DAB1: variants seen among roughly 807,000 people sequenced by gnomAD.
The protein encoded by DAB1 is DAB adaptor protein 1.
In DAB1, 15 loss-of-function variants were observed where a neutral mutation model predicts 64.6. The observed-to-expected ratio is 0.23, with a 90% CI of 0.16 to 0.36. The LOEUF is 0.36. Ranked by LOEUF, DAB1 falls within the 10% of genes least tolerant of loss-of-function variation. The probability of loss-of-function intolerance (pLI) is 1.00; values close to 1 mark genes in which losing one functional copy is unlikely to be tolerated. For missense variants in DAB1, 596 were observed against 706.7 expected (o/e 0.84, Z 1.78); for synonymous variants, 235 against 251.9 (o/e 0.93, Z 0.64).
chr1:57,174,150 C>A (rs1021317324), intron 2 of DAB1, among the ~76,000 whole-genome samples: 40 of 152,182 alleles, frequency 2.6e-4, no homozygotes, highest in Non-Finnish European at 1.0e-4. Context: ...TGATTTAGAA[C>A]TTCTTGCCCC....
chr1:58,300,644 GAGAGGA>G (rs1263707055), intron 4 of DAB1, among the ~76,000 whole-genome samples: 36 of 59,394 alleles, frequency 6.1e-4, no homozygotes, highest in African/African-American at 2.0e-3. Context: ...GAGAGAGAGA[GAGAGGA>G]AGGAAGGAAG....
intron 1 of DAB1, among the ~76,000 whole-genome samples, chr1:57,415,712 G>A (rs527916619): frequency 1.3e-4 from 20 of 152,208 alleles, no homozygotes; most frequent in Admixed American, 1.1e-3. Flanking sequence ...TAGAACTTTC[G>A]TGAGTAGACA....
chr1:57,813,178 G>T (rs1651707333), intron 6 of DAB1, among the ~76,000 whole-genome samples: 1 of 152,200 alleles, frequency 6.6e-6, no homozygotes, highest in Admixed American at 6.5e-5. Flanking sequence ...GAGAGAGTGT[G>T]AAGAGAAAAG....
At chr1:57,984,681 T>C (rs1266274679) in intron 5 of DAB1, among the ~76,000 whole-genome samples, 1 of 152,194 alleles carries the variant, frequency 6.6e-6, no homozygotes, top group African/African-American at 2.4e-5. Context: ...GCTCAACAGA[T>C]TCTGTGAAAG....
At chr1:58,224,280 C>A (rs1479314790) in intron 4 of DAB1, among the ~76,000 whole-genome samples, 1 of 152,140 alleles carries the variant, frequency 6.6e-6, no homozygotes, top group African/African-American at 2.4e-5. Flanking sequence ...GTGTCTAGCA[C>A]AAGAGCTTAA....
intron 3 of DAB1, among the ~76,000 whole-genome samples, chr1:58,497,777 T>TTG (rs1645829133): frequency 6.6e-6 from 1 of 152,198 alleles, no homozygotes; most frequent in African/African-American, 2.4e-5. Flanking sequence ...AACCTTACCC[T>TTG]TGCTCACTGC....
chr1:57,780,648 G>C (rs1650021819), intron 6 of DAB1, among the ~76,000 whole-genome samples: 1 of 151,764 alleles, frequency 6.6e-6, no homozygotes, highest in Admixed American at 6.6e-5. Context: ...AGTAGGAAAA[G>C]GAAAAAATTA....
At chr1:58,291,508 T>C (rs1661835964) in intron 4 of DAB1, among the ~76,000 whole-genome samples, 1 of 152,212 alleles carries the variant, frequency 6.6e-6, no homozygotes, top group Non-Finnish European at 1.5e-5. Flanking sequence ...TAGGGGTTGA[T>C]TCACTATAAA....
intron 7 of DAB1, among the ~76,000 whole-genome samples, chr1:57,631,019 G>C (rs1004535022): frequency 6.6e-6 from 1 of 152,080 alleles, no homozygotes; most frequent in Non-Finnish European, 1.5e-5. Flanking sequence ...ATATGAATGT[G>C]ACAATATGGA....
chr1:57,523,272 G>T (rs1644551810), intron 7 of DAB1, among the ~76,000 whole-genome samples: 1 of 152,132 alleles, frequency 6.6e-6, no homozygotes, highest in South Asian at 2.1e-4. Flanking sequence ...AAATAGATTG[G>T]TTCCAGAGAA....
At chr1:57,354,179 C>T (rs771712108) in intron 1 of DAB1, among the ~76,000 whole-genome samples, 14 of 151,988 alleles carry the variant, frequency 9.2e-5, no homozygotes, top group Non-Finnish European at 1.6e-4. Context: ...AACTATTTTG[C>T]TCACTGAAAC....
intron 5 of DAB1, among the ~76,000 whole-genome samples, chr1:57,997,267 TA>T (rs770278005): frequency 6.6e-6 from 1 of 152,188 alleles, no homozygotes; most frequent in African/African-American, 2.4e-5. Context: ...ATGTACAATT[TA>T]AGTAAAACAC....
intron 5 of DAB1, among the ~76,000 whole-genome samples, chr1:57,918,732 G>A (rs1305553371): frequency 6.6e-6 from 1 of 152,084 alleles, no homozygotes; most frequent in Non-Finnish European, 1.5e-5. Context: ...ACTGAGGCAG[G>A]AGAATGGTGT....
chr1:58,343,514 G>A (rs984962038), intron 3 of DAB1: 3 of 152,204 alleles, frequency 2.0e-5, no homozygotes, highest in African/African-American at 4.8e-5. Context: ...TGCTGCAAGG[G>A]ACACTATAGA....
chr1:57,531,079 C>G (rs577652652), intron 7 of DAB1, among the ~76,000 whole-genome samples: 66 of 152,276 alleles, frequency 4.3e-4, no homozygotes, highest in African/African-American at 1.6e-3. Flanking sequence ...CAAGCTAAGC[C>G]ATCACATCCC....
intron 1 of DAB1, among the ~76,000 whole-genome samples, chr1:57,836,770 C>T (rs1652827711): frequency 6.6e-6 from 1 of 152,142 alleles, no homozygotes; most frequent in Non-Finnish European, 1.5e-5. Context: ...TATTTCAGAG[C>T]CTTCCACACC....
intron 7 of DAB1, among the ~76,000 whole-genome samples, chr1:57,584,025 C>T (rs1437666143): frequency 1.3e-5 from 2 of 152,186 alleles, no homozygotes; most frequent in African/African-American, 4.8e-5. Context: ...GAACTGCAAC[C>T]TAGCTTAATA....
At chr1:57,990,562 G>A (rs1646318691) in intron 5 of DAB1, among the ~76,000 whole-genome samples, 1 of 152,236 alleles carries the variant, frequency 6.6e-6, no homozygotes, top group African/African-American at 2.4e-5. Context: ...AAGAGCAGAG[G>A]GAGGGGCCTG....
At chr1:57,810,097 G>A (rs925185101) in intron 6 of DAB1, among the ~76,000 whole-genome samples, 2 of 152,098 alleles carry the variant, frequency 1.3e-5, no homozygotes, top group African/African-American at 4.8e-5. Context: ...GAGTCTCCCT[G>A]TTAAAACCTT....
Sources: gnomAD v4.1 joint callset for allele counts (sites outside exome capture counted in the v4.1 genomes callset) on GRCh38, gnomAD v4.1.1 for gene constraint, MANE v1.5 for transcripts, NCBI Gene and HGNC (gene_info 2026-07-23, HGNC 2026-07-21) for gene names.